Variants in PPP4R3A observed in about 807,000 individuals in gnomAD.
The protein encoded by PPP4R3A is protein phosphatase 4 regulatory subunit 3A, also known as serine/threonine-protein phosphatase 4 regulatory subunit 3A.
In PPP4R3A, 15 loss-of-function variants were observed where a neutral mutation model predicts 91.7. The ratio of observed to expected loss-of-function variants is 0.16; its 90% CI spans 0.11 to 0.25. The LOEUF (loss-of-function observed/expected upper bound fraction) is 0.25, where lower values mean the gene tolerates loss of function less well. Ranked by LOEUF, PPP4R3A falls within the 10% of genes least tolerant of loss-of-function variation. The probability of loss-of-function intolerance (pLI) is 1.00; values close to 1 mark genes in which losing one functional copy is unlikely to be tolerated. For missense variants in PPP4R3A, 623 were observed against 998.4 expected (o/e 0.62, Z 5.07); for synonymous variants, 377 against 348.7 (o/e 1.08, Z -0.91).
chr14:91,484,747 G>C (rs1320366194), intron 3 of PPP4R3A, among the ~76,000 whole-genome samples: 1 of 151,988 alleles, frequency 6.6e-6, no homozygotes, highest in Non-Finnish European at 1.5e-5. Context: ...CTGGTTTGAG[G>C]GCCACATTCA....
chr14:91,463,186 C>T (rs1039781599), intron 11 of PPP4R3A, among the ~76,000 whole-genome samples: 2 of 152,090 alleles, frequency 1.3e-5, no homozygotes, highest in Non-Finnish European at 2.9e-5. Context: ...CTGGCTCAGC[C>T]TCCAGAGTAG....
Position 91,462,194 on chromosome 14 carries a change from T to C in PPP4R3A, c.2019A>G (p.Arg673=). 1 of 1,600,484 alleles carries C rather than the reference T, an allele frequency of 6.2e-7. No individual in the cohort carries two copies. The highest frequency in any genetic ancestry group is 8.5e-7 in the Non-Finnish European group (1 of 1,176,060). ...LRNHRYRRDA[R]TLEDEEEMWF... ...ACATCTCTTCTTCATCTTCTAGTGT[T>C]CTGGCATCTCTTCGATATCTGTGAT... The change falls in exon 13 of 15, where the codon AGA becomes AGG. Residue 673 remains arginine, a synonymous_variant. Coordinates refer to ENST00000554943, the MANE Select transcript of PPP4R3A (RefSeq NM_001366432.2).
chr14:91,482,776 G>T (rs1889648447), intron 3 of PPP4R3A, among the ~76,000 whole-genome samples: 1 of 152,132 alleles, frequency 6.6e-6, no homozygotes, highest in East Asian at 1.9e-4. Context: ...GAACAAACTG[G>T]CTTTGGACCA....
In PPP4R3A at chr14:91,490,795, T is replaced by C. The variant is rs778168976; in HGVS notation, c.150A>G (p.Leu50=). The C allele has an allele frequency of 1.9e-6, 3 of 1,607,830 alleles. No homozygotes were observed. The highest frequency in any genetic ancestry group is 1.7e-6 in the Non-Finnish European group (2 of 1,177,818). ...TAGGATTTATTTTCGACTCTAAAAG[T>C]AGAGAACCTAGGAAACAGAAAAAGA... ...LLVRAESDGS[L]LLESKINPNT... is the part of the protein sequence containing the mutation. The change falls in exon 2 of 15, where the codon CTA becomes CTG. Residue 50 remains leucine, a synonymous_variant. Transcript: ENST00000554943.
rs902944543 is a variant in PPP4R3A, at chr14:91,458,127, A to T, written c.*632T>A. 1 of 152,932 alleles carries T rather than the reference A, an allele frequency of 6.5e-6. No homozygotes were observed. Among genetic ancestry groups the T allele is most frequent in the African/African-American group, 2.4e-5 (1 of 41,432 alleles). 9.5% of individuals were successfully genotyped at this position (152,932 alleles called of 1,614,324 possible). ...AATAAAACAAAAAAATTATGACACA[A>T]ATGACCACATCTAGAATTCCACTCA... On this transcript the variant is annotated 3_prime_UTR_variant, in exon 15 of 15. Coordinates refer to ENST00000554943, the MANE Select transcript of PPP4R3A (RefSeq NM_001366432.2).
chr14:91,495,467 C>T (rs1208428423), intron 1 of PPP4R3A, among the ~76,000 whole-genome samples: 2 of 152,080 alleles, frequency 1.3e-5, no homozygotes, highest in East Asian at 1.9e-4. Context: ...GGCACATTCC[C>T]AGTCCAGATA....
intron 1 of PPP4R3A, among the ~76,000 whole-genome samples, chr14:91,492,681 C>G (rs1194548083): frequency 6.6e-6 from 1 of 150,724 alleles, no homozygotes; most frequent in South Asian, 2.1e-4. Flanking sequence ...TTTTTTCCCA[C>G]CTGTATTCCC....
Position 91,462,210 on chromosome 14 carries a change from T to C in PPP4R3A, c.2003A>G (p.Tyr668Cys). ...SMRSILRNHR[Y>C]RRDARTLEDE... is the part of the protein sequence containing the mutation. ...TTCTAGTGTTCTGGCATCTCTTCGA[T>C]ATCTGTGATTCCTCAAAATGGAACG... Residue 668 changes from tyrosine to cysteine, a missense_variant, in exon 13 of 15, where the codon TAT (tyrosine) becomes TGT (cysteine). Physicochemically the swap from Tyr to Cys is radical, Grantham distance 194 (BLOSUM62 -2). Coordinates refer to ENST00000554943, the MANE Select transcript of PPP4R3A (RefSeq NM_001366432.2). 1.9e-6 allele frequency: 3 copies of C among 1,594,934 alleles called. No individual in the cohort carries two copies. Among genetic ancestry groups the C allele is most frequent in the Non-Finnish European group, 2.6e-6 (3 of 1,174,362 alleles).
intron 2 of PPP4R3A, among the ~76,000 whole-genome samples, chr14:91,487,249 C>CAAAA (rs35970764): frequency 1.5e-4 from 12 of 80,234 alleles, no homozygotes; most frequent in South Asian, 4.7e-4. Flanking sequence ...GAGTCCGTCT[C>CAAAA]AAAAAAAAAA....
At chr14:91,469,116 TAAAAAA>T (rs34445337) in intron 10 of PPP4R3A, among the ~76,000 whole-genome samples, 2 of 133,158 alleles carry the variant, frequency 1.5e-5, no homozygotes, top group Non-Finnish European at 3.1e-5. Flanking sequence ...ATTTTTTCTG[TAAAAAA>T]AAAAAAAAAA....
chr14:91,504,349 A>G (rs1891150967), intron 1 of PPP4R3A, among the ~76,000 whole-genome samples: 1 of 151,102 alleles, frequency 6.6e-6, no homozygotes, highest in Admixed American at 6.6e-5. Context: ...AAAGAAAAGA[A>G]AAGAAAAGAA....
intron 1 of PPP4R3A, among the ~76,000 whole-genome samples, chr14:91,504,219 T>C (rs1443284142): frequency 1.3e-5 from 2 of 150,170 alleles, no homozygotes; most frequent in East Asian, 3.9e-4. Context: ...TGTGCACCTG[T>C]AATCCCAGCT....
chr14:91,501,871 ATTTTTTTT>A (rs755484959), intron 1 of PPP4R3A, among the ~76,000 whole-genome samples: 12 of 100,232 alleles, frequency 1.2e-4, no homozygotes, highest in South Asian at 3.5e-4. Flanking sequence ...AGCCCGGCTA[ATTTTTTTT>A]TTTTTTTTTT....
intron 1 of PPP4R3A, among the ~76,000 whole-genome samples, chr14:91,493,576 T>C (rs1283402685): frequency 6.6e-6 from 1 of 150,420 alleles, no homozygotes; most frequent in Non-Finnish European, 1.5e-5. Flanking sequence ...GGAGGATTGC[T>C]TGAGGCTAGC....
intron 2 of PPP4R3A, among the ~76,000 whole-genome samples, chr14:91,486,145 T>C (rs918083709): frequency 1.3e-4 from 20 of 152,158 alleles, no homozygotes; most frequent in African/African-American, 4.3e-4. Context: ...TTCCCTCTAT[T>C]GTCAGCAGGT....
rs748611992 is a variant in PPP4R3A at position 91,470,278 on chromosome 14, T to C, written c.1660+559A>G. Among the ~76,000 whole-genome samples, 4 of 152,326 alleles carry C rather than the reference T, an allele frequency of 2.6e-5. No homozygotes were observed. In the South Asian group the frequency reaches 8.3e-4, roughly 32 times the overall value. ...TTCAATTCAGAAACATGGTTTTCTC[T>C]AACAAACTCGGGTCTTAAGAACACT... is the stretch of plus-strand genomic sequence containing the variant. On this transcript the variant is annotated intron_variant, in intron 10 of 14. Coordinates refer to ENST00000554943, the MANE Select transcript of PPP4R3A (RefSeq NM_001366432.2).
chr14:91,468,667 C>CAAAAAAAAAA (rs766250846), intron 10 of PPP4R3A, among the ~76,000 whole-genome samples: 7 of 45,036 alleles, frequency 1.6e-4, no homozygotes, highest in Non-Finnish European at 2.0e-4. Flanking sequence ...GACTCCGTCT[C>CAAAAAAAAAA]AAAAAAAAAA....
intron 1 of PPP4R3A, among the ~76,000 whole-genome samples, chr14:91,509,208 G>A (rs1422546552): frequency 6.6e-6 from 1 of 152,152 alleles, no homozygotes; most frequent in Non-Finnish European, 1.5e-5. Context: ...AGCACACTCC[G>A]GACTCCCTAT....
chr14:91,465,398 T>C lies in PPP4R3A; in HGVS notation c.1682A>G (p.Lys561Arg). 1.3e-6 allele frequency: 2 copies of C among 1,595,260 alleles called. No individual in the cohort carries two copies. The highest frequency in any genetic ancestry group is 1.1e-5 in the South Asian group (1 of 87,196). ...LALCALRFKRKIIGLKDEFYN... is the reference protein window; with the variant it reads ...LALCALRFKRRIIGLKDEFYN... ...AAACTCATCTTTTAATCCAATAATCTTTCTTTTAAAACGAAGGGCACCTGA... is the reference window on the plus strand; with the variant it reads ...AAACTCATCTTTTAATCCAATAATCCTTCTTTTAAAACGAAGGGCACCTGA... The change falls in exon 11 of 15, where the codon AAG (lysine) becomes AGG (arginine). Residue 561 changes from lysine to arginine, a missense_variant. By Grantham distance (26) the Lys-to-Arg change is conservative. Around this residue, in one of 5 missense-constraint regions of PPP4R3A, gnomAD observed 87 missense variants for 233.9 expected, o/e 0.37. Coordinates refer to ENST00000554943, the MANE Select transcript of PPP4R3A (RefSeq NM_001366432.2).
Sources: allele counts gnomAD v4.1 joint callset (sites outside exome capture counted in the v4.1 genomes callset), GRCh38; gene constraint gnomAD v4.1.1; regional missense constraint gnomAD v4.1.1; transcripts MANE v1.5; gene names NCBI Gene and HGNC (gene_info 2026-07-23, HGNC 2026-07-21).